SLC22A6: variants seen among roughly 807,000 people sequenced by gnomAD.
SLC22A6 encodes solute carrier family 22 member 6, also known as PAH transporter.
SLC22A6 carries 45 observed loss-of-function variants against 56.7 expected under a neutral mutation model. The ratio of observed to expected loss-of-function variants is 0.79; its 90% CI spans 0.63 to 1.02. The LOEUF (loss-of-function observed/expected upper bound fraction) is 1.02. Among genes scored for constraint, SLC22A6 ranks in the 50% least tolerant of loss-of-function variants. The pLI, the probability that SLC22A6 is intolerant of heterozygous loss-of-function variation, is 0.00. For missense variants in SLC22A6, 606 were observed against 713.8 expected, an observed-to-expected ratio of 0.85 and a Z score of 1.72; for synonymous variants, 291 against 295.9, an observed-to-expected ratio of 0.98 and a Z score of 0.17.
rs372804378 is a variant in SLC22A6 at position 62,977,205 on chromosome 11, G to A, written c.1544C>T (p.Thr515Met). The A allele has an allele frequency of 3.5e-5, 56 of 1,614,092 alleles. No individual in the cohort carries two copies. The highest frequency in any genetic ancestry group is 3.9e-5 in the Non-Finnish European group (46 of 1,180,042). ...PETLGQPLPD[T>M]VQDLESRKGK... is the part of the protein sequence containing the mutation. ...CCACCTGCTCTCCAGGTCCTGCACC[G>A]TGTCTGGCAGTGGCTGGCCCAGGGT... is the stretch of plus-strand genomic sequence containing the variant. Residue 515 changes from threonine (T) to methionine (M), a missense_variant, in exon 9 of 10, where the codon ACG (threonine) becomes ATG (methionine). Transcript: ENST00000360421.
In SLC22A6 at chr11:62,984,711, G is replaced by A. The variant is rs1235903461; in HGVS notation, c.-21C>T. The A allele has an allele frequency of 1.9e-6, 3 of 1,602,908 alleles. No individual in the cohort carries two copies. The highest frequency in any genetic ancestry group is 2.2e-5 in the South Asian group (2 of 89,576). ...GCCATTGGGCCAGGCCCAGCCCAGTGGCTGGGGGCTGAGGCCTTCCAGTCC... is the reference window on the plus strand; with the variant it reads ...GCCATTGGGCCAGGCCCAGCCCAGTAGCTGGGGGCTGAGGCCTTCCAGTCC... On this transcript the variant is annotated 5_prime_UTR_variant, in exon 1 of 10. Coordinates refer to ENST00000360421, the MANE Select transcript of SLC22A6 (RefSeq NM_153276.3).
rs1314442973 is a variant in SLC22A6, at chr11:62,984,065, A to G, written c.370-18T>C. 6.4e-7 allele frequency: 1 copy of G among 1,555,410 alleles called. No individual in the cohort carries two copies. ...AGGTCCCACTGTGGGGAGAGGAGCA[A>G]GGGTCAGGCAGAGATGAGCCTGGCT... On this transcript the variant is annotated intron_variant, in intron 1 of 9. Coordinates refer to ENST00000360421, the MANE Select transcript of SLC22A6 (RefSeq NM_153276.3).
chr11:62,980,506 A>G (rs779076182), intron 6 of SLC22A6, among the ~76,000 whole-genome samples: 17 of 152,250 alleles, frequency 1.1e-4, no homozygotes, highest in African/African-American at 4.1e-4. Flanking sequence ...TGGGATTGCT[A>G]TGGTGATGGG....
At chr11:62,981,439 TG>T in intron 4 of SLC22A6, 56 bp from the exon 5 acceptor site, 1 of 210,100 alleles carries the variant, frequency 4.8e-6, no homozygotes, top group Non-Finnish European at 8.0e-6. Context: ...GTCAGCTGGG[TG>T]GGGGGCTGGG....
In SLC22A6 at chr11:62,984,355, G is replaced by A. The variant is rs1213499362; in HGVS notation, c.336C>T (p.Asp112=). ...CGATGGTAGATGGGAAGGTGCTGTT[G>A]TCATAGATCCAGCCATCGGTGCAGG... ...TEPCTDGWIY[D]NSTFPSTIVT... The change falls in exon 1 of 10, where the codon GAC becomes GAT. Residue 112 remains aspartate (D), a synonymous_variant. Transcript: ENST00000360421. 6.2e-7 allele frequency: 1 copy of A among 1,613,570 alleles called. No individual in the cohort carries two copies. The highest frequency in any genetic ancestry group is 8.5e-7 in the Non-Finnish European group (1 of 1,179,990).
In SLC22A6 at chr11:62,984,337, A is replaced by G; in HGVS notation, c.354T>C (p.Ser118=). The part of the protein sequence containing the change: ...GWIYDNSTFP[S]TIVTEWDLVC... ...AGGTGCTCACCTCAGTCACGATGGT[A>G]GATGGGAAGGTGCTGTTGTCATAGA... Residue 118 remains serine, a synonymous_variant, in exon 1 of 10, where the codon TCT becomes TCC. Coordinates refer to ENST00000360421, the MANE Select transcript of SLC22A6 (RefSeq NM_153276.3). 1 of 1,613,452 alleles carries G rather than the reference A, an allele frequency of 6.2e-7. No homozygotes were observed. Among genetic ancestry groups the G allele is most frequent in the Middle Eastern group, 1.7e-4 (1 of 6,060 alleles).
Position 62,981,956 on chromosome 11 carries a change from T to G in SLC22A6, c.683A>C (p.Tyr228Ser). The G allele has an allele frequency of 6.2e-7, 1 of 1,614,142 alleles. No individual in the cohort carries two copies. Among genetic ancestry groups the G allele is most frequent in the Non-Finnish European group, 8.5e-7 (1 of 1,179,996 alleles). The part of the protein sequence containing the change: ...TRACVGTLIG[Y>S]VYSLGQFLLA... Reference sequence around the variant, plus strand: ...GAGGAACTGGCCCAGGCTGTAGACATAGCCAATCAAGGTGCCCACGCAGGC... The same window carrying G: ...GAGGAACTGGCCCAGGCTGTAGACAGAGCCAATCAAGGTGCCCACGCAGGC... Residue 228 changes from tyrosine to serine, a missense_variant, in exon 4 of 10, where the codon TAT becomes TCT. By Grantham distance (144) the Tyr-to-Ser change is moderately radical. Transcript: ENST00000360421.
intron 7 of SLC22A6, 68 bp downstream of exon 7, chr11:62,979,666 C>A (rs977632034): frequency 1.3e-6 from 2 of 1,596,602 alleles, no homozygotes; most frequent in South Asian, 1.1e-5. Context: ...CCCCTCCCTT[C>A]TGAGATATTG....
rs751689928 is a variant in SLC22A6 at position 62,977,255 on chromosome 11, G to T, written c.1494C>A (p.Ser498Arg). 1.2e-6 allele frequency: 2 copies of T among 1,614,142 alleles called. No homozygotes were observed. Among genetic ancestry groups the T allele is most frequent in the Non-Finnish European group, 1.7e-6 (2 of 1,180,046 alleles). ...TCTCTGGCAGGAGGACAGTGACAGC[G>T]CTGGCGGCCACAGGAACAGCACCGT... ...FIYGAVPVAA[S>R]AVTVLLPETL... The change falls in exon 9 of 10, where the codon AGC becomes AGA. Residue 498 changes from serine to arginine, a missense_variant. Transcript: ENST00000360421.
At position 62,983,047 on chromosome 11, in the gene SLC22A6, CTT is replaced by C. The variant is rs1225439766; in HGVS notation, c.628+488_628+489del. Among the ~76,000 whole-genome samples, 19 of 141,050 alleles carry C rather than the reference CTT, an allele frequency of 1.3e-4. No individual in the cohort carries two copies. Among genetic ancestry groups the C allele is most frequent in the Admixed American group, 2.1e-4 (3 of 14,004 alleles). 92.5% of individuals were successfully genotyped at this position (141,050 alleles called of 152,430 possible). A position where few individuals can be genotyped will look rare whatever the true frequency, so the allele number is the denominator to read the frequency against. On this transcript the variant is annotated intron_variant, in intron 3 of 9. Coordinates refer to ENST00000360421, the MANE Select transcript of SLC22A6 (RefSeq NM_153276.3). This position sits in a 1 kb window ranked among gnomAD's most constrained non-coding sequence, Gnocchi z 4.5. ...TCTAACAATGGAGTTTGCAATCCTG[CTT>C]TTTTTTTTTTTTTGAGACAGAGTCT...
In SLC22A6 at chr11:62,983,971, G is replaced by A. The variant is rs1394976987; in HGVS notation, c.446C>T (p.Ala149Val). ...SLYMVGVLLG[A>V]MVFGYLADRL... The stretch of plus-strand genomic sequence containing the variant: ...GTCTGCAAGGTAGCCGAACACCATG[G>A]CTCCGAGCAGCACCCCCACCATGTA... Residue 149 changes from alanine to valine, a missense_variant, in exon 2 of 10, where the codon GCC becomes GTC. Transcript: ENST00000360421. The surrounding 1 kb of genome is among the most constrained non-coding windows in gnomAD (Gnocchi z 4.5). 1 of 1,613,654 alleles carries A rather than the reference G, an allele frequency of 6.2e-7. No homozygotes were observed. Among genetic ancestry groups the A allele is most frequent in the Admixed American group, 1.7e-5 (1 of 60,004 alleles).
In SLC22A6 at chr11:62,981,832, C is replaced by A. The variant is rs1390906035; in HGVS notation, c.797+10G>T. On this transcript the variant is annotated intron_variant, in intron 4 of 9. Transcript: ENST00000360421. ...TGTGGCAACCACCTCCAACCCTAGG[C>A]CCCACGCACCAGGAGTAGATGAAGA... 1.9e-6 allele frequency: 3 copies of A among 1,602,172 alleles called. No homozygotes were observed. Among genetic ancestry groups the A allele is most frequent in the Non-Finnish European group, 2.6e-6 (3 of 1,174,690 alleles).
Position 62,977,332 on chromosome 11 carries a change from G to C in SLC22A6, c.1417C>G (p.Pro473Ala). 1 of 1,609,348 alleles carries C rather than the reference G, an allele frequency of 6.2e-7. No individual in the cohort carries two copies. Among genetic ancestry groups the C allele is most frequent in the Non-Finnish European group, 8.5e-7 (1 of 1,178,558 alleles). ...AGCTCGGCAGTCATGCTCACCAGTG[G>C]GCTCACGATGCTGCCCACTCGGGCC... ...TMARVGSIVS[P>A]LVSMTAELYP... Residue 473 changes from proline (P) to alanine (A), a missense_variant, in exon 9 of 10, where the codon CCA becomes GCA. Coordinates refer to ENST00000360421, the MANE Select transcript of SLC22A6 (RefSeq NM_153276.3).
rs374103844 is a variant in SLC22A6, at chr11:62,981,344, C to T, written c.837G>A (p.Gly279=). 2.2e-5 allele frequency: 35 copies of T among 1,597,018 alleles called. No individual in the cohort carries two copies. The highest frequency in any genetic ancestry group is 1.0e-4 in the South Asian group (9 of 88,276). ...IESARWHSSS[G]RLDLTLRALQ... is the part of the protein sequence containing the mutation. ...GGGCCCTCAGGGTGAGGTCCAGCCTCCCGGAGGAGGAGTGCCAGCGGGCCG... is the reference window on the plus strand; with the variant it reads ...GGGCCCTCAGGGTGAGGTCCAGCCTTCCGGAGGAGGAGTGCCAGCGGGCCG... Residue 279 remains glycine (G), a synonymous_variant, in exon 5 of 10, where the codon GGG becomes GGA. Coordinates refer to ENST00000360421, the MANE Select transcript of SLC22A6 (RefSeq NM_153276.3).
chr11:62,977,439 C>T, intron 8 of SLC22A6, 52 bp from the exon 9 acceptor site: 2 of 1,548,548 alleles, frequency 1.3e-6, no homozygotes. Flanking sequence ...CATGAATGCC[C>T]AGATGCTGGT....
At position 62,981,976 on chromosome 11, in the gene SLC22A6, G is replaced by A. The variant is rs768657635; in HGVS notation, c.663C>T (p.Cys221=). 9.3e-6 allele frequency: 15 copies of A among 1,613,982 alleles called. No homozygotes were observed. Among genetic ancestry groups the A allele is most frequent in the Non-Finnish European group, 1.3e-5 (15 of 1,179,988 alleles). The change falls in exon 4 of 10, where the codon TGC becomes TGT. Residue 221 remains cysteine (C), a synonymous_variant. Coordinates refer to ENST00000360421, the MANE Select transcript of SLC22A6 (RefSeq NM_153276.3). ...AGACATAGCCAATCAAGGTGCCCAC[G>A]CAGGCCCGTGTGTGAATGGGCATCC... is the stretch of plus-strand genomic sequence containing the variant. The part of the protein sequence containing the change: ...VEWMPIHTRA[C]VGTLIGYVYS...
intron 9 of SLC22A6, 32 bp from the exon 10 acceptor site, chr11:62,976,913 T>C: frequency 6.2e-7 from 1 of 1,610,144 alleles, no homozygotes; most frequent in Non-Finnish European, 8.5e-7. Context: ...GCACTCTGGG[T>C]ATGCAGCCTC....
chr11:62,982,376 C>G (rs1184696685), intron 3 of SLC22A6, among the ~76,000 whole-genome samples: 3 of 152,208 alleles, frequency 2.0e-5, no homozygotes, highest in Non-Finnish European at 2.9e-5. Context: ...CTCTCAGTGG[C>G]CAGAGCATCT....
intron 1 of SLC22A6, 91 bp from the exon 2 acceptor site, chr11:62,984,138 T>C (rs2135102060): frequency 8.4e-7 from 1 of 1,185,514 alleles, no homozygotes; most frequent in South Asian, 1.4e-5. Context: ...GGGGTCCATG[T>C]CACCCTCTTC....
Sources: gnomAD v4.1 joint callset for allele counts (sites outside exome capture counted in the v4.1 genomes callset) on GRCh38, gnomAD v4.1.1 for gene constraint, Gnocchi (gnomAD v3.1) non-coding constraint, MANE v1.5 for transcripts, NCBI Gene and HGNC (gene_info 2026-07-23, HGNC 2026-07-21) for gene names.